The following PYM1 variants were observed in gnomAD, a reference collection of about 807,000 sequenced individuals.
PYM1 encodes partner of Y14 and mago.
In PYM1, 7 loss-of-function variants were observed where a neutral mutation model predicts 20.7. The ratio of observed to expected loss-of-function variants is 0.34; its 90% CI spans 0.19 to 0.64. The LOEUF (loss-of-function observed/expected upper bound fraction) is 0.64. Ranked by LOEUF, PYM1 falls within the 30% of genes least tolerant of loss-of-function variation. PYM1 has a pLI of 0.74. For synonymous variants in PYM1, 100 were observed against 99.2 expected (o/e 1.01, Z -0.05); for missense variants, 194 against 250.0 (o/e 0.78, Z 1.51).
At chr12:55,921,438 G>A (rs1565718422) in intron 1 of PYM1, among the ~76,000 whole-genome samples, 1 of 151,918 alleles carries the variant, frequency 6.6e-6, no homozygotes, top group Non-Finnish European at 1.5e-5. Flanking sequence ...ATAAAAGAAT[G>A]ATATTTTGAT....
intron 1 of PYM1, among the ~76,000 whole-genome samples, chr12:55,919,648 A>G (rs1371500463): frequency 6.6e-6 from 1 of 151,956 alleles, no homozygotes; most frequent in Non-Finnish European, 1.5e-5. Context: ...CTATAATCCC[A>G]GCACTTTGGG....
In PYM1 at chr12:55,927,767, A is replaced by G; in HGVS notation, c.-6T>C. 1 of 1,538,830 alleles carries G rather than the reference A, an allele frequency of 6.5e-7. No homozygotes were observed. The highest frequency in any genetic ancestry group is 8.7e-7 in the Non-Finnish European group (1 of 1,146,278). ...GGGCTGCCGGCAGCTTCCATGGCCG[A>G]AGAGGCAGCGGACCAGGTTGGGCGG... On this transcript the variant is annotated 5_prime_UTR_variant, in exon 1 of 3. Coordinates refer to ENST00000408946, the MANE Select transcript of PYM1 (RefSeq NM_032345.3).
intron 1 of PYM1, among the ~76,000 whole-genome samples, chr12:55,924,777 A>G (rs1047158878): frequency 3.9e-5 from 6 of 152,182 alleles, no homozygotes; most frequent in African/African-American, 1.4e-4. Context: ...CCTGGGTTCA[A>G]GCGATTCTCC....
At position 55,927,850 on chromosome 12, in the gene PYM1, A is replaced by G; in HGVS notation, c.-89T>C. The G allele has an allele frequency of 6.7e-7, 1 of 1,488,416 alleles. No homozygotes were observed. Among genetic ancestry groups the G allele is most frequent in the Non-Finnish European group, 9.0e-7 (1 of 1,113,888 alleles). 92.2% of individuals were successfully genotyped at this position (1,488,416 alleles called of 1,614,324 possible). ...GCGCCGGGGATTCGGCGGCGAAGTG[A>G]TGAGGGCCCTAGTTGCTTCTCGCCC... is the stretch of plus-strand genomic sequence containing the variant. On this transcript the variant is annotated 5_prime_UTR_variant, in exon 1 of 3. Transcript: ENST00000408946.
At chr12:55,917,510 A>G (rs1405078392) in intron 1 of PYM1, among the ~76,000 whole-genome samples, 1 of 152,212 alleles carries the variant, frequency 6.6e-6, no homozygotes, top group Non-Finnish European at 1.5e-5. Flanking sequence ...ACATGGATGC[A>G]GCTGAGGGCC....
intron 2 of PYM1, 85 bp downstream of exon 2, chr12:55,903,302 C>T: frequency 8.2e-7 from 1 of 1,224,368 alleles, no homozygotes; most frequent in South Asian, 1.3e-5. Flanking sequence ...TAGGAGAGTC[C>T]TCCCTGAACT....
chr12:55,925,101 C>T (rs1407174075), intron 1 of PYM1, among the ~76,000 whole-genome samples: 22 of 152,194 alleles, frequency 1.4e-4, no homozygotes, highest in Admixed American at 1.4e-3. Flanking sequence ...GGCCTAGAAG[C>T]GGAAGCCAAG....
intron 1 of PYM1, among the ~76,000 whole-genome samples, chr12:55,910,333 T>C (rs1221179476): frequency 6.6e-6 from 1 of 151,324 alleles, no homozygotes; most frequent in Admixed American, 6.6e-5. Context: ...CAGGCTGGAG[T>C]GCAGTAGCCC....
At chr12:55,916,672 T>A (rs1883013655) in intron 1 of PYM1, among the ~76,000 whole-genome samples, 1 of 150,086 alleles carries the variant, frequency 6.7e-6, no homozygotes, top group Non-Finnish European at 1.5e-5. Context: ...GGGGCACATG[T>A]CTGTAATCCC....
At chr12:55,927,232 A>C (rs564224711) in intron 1 of PYM1, 5 of 1,395,108 alleles carry the variant, frequency 3.6e-6, no homozygotes, top group Non-Finnish European at 5.0e-6. Flanking sequence ...GCACCATTTC[A>C]TGGGCGGAGG....
chr12:55,927,139 G>A lies in PYM1; in HGVS notation c.37+586C>T, dbSNP rs776822966. 6.4e-6 allele frequency: 10 copies of A among 1,551,328 alleles called. No individual in the cohort carries two copies. In the East Asian group the frequency reaches 1.2e-4, roughly 19 times the overall value. On this transcript the variant is annotated intron_variant, in intron 1 of 2. Coordinates refer to ENST00000408946, the MANE Select transcript of PYM1 (RefSeq NM_032345.3). ...AAAACGCAAACCACTTCCGGCGTGA[G>A]CGGGCTGGGGTCCCGCCCCCCTCCC...
intron 1 of PYM1, among the ~76,000 whole-genome samples, chr12:55,926,162 C>G (rs1345406922): frequency 1.3e-5 from 2 of 152,212 alleles, no homozygotes; most frequent in Non-Finnish European, 2.9e-5. Context: ...TGCACTTGCA[C>G]AGTATTTTAT....
At chr12:55,915,417 T>C (rs1444525501) in intron 1 of PYM1, among the ~76,000 whole-genome samples, 1 of 151,000 alleles carries the variant, frequency 6.6e-6, no homozygotes, top group Admixed American at 6.6e-5. Context: ...ATTAAAAGCC[T>C]CCTAGCTGGG....
At chr12:55,911,778 T>C (rs1057009865) in intron 1 of PYM1, among the ~76,000 whole-genome samples, 5 of 150,388 alleles carry the variant, frequency 3.3e-5, no homozygotes, top group African/African-American at 9.8e-5. Flanking sequence ...GAGGGGGAGG[T>C]TGCAATGAGC....
At chr12:55,907,082 AAG>A in intron 1 of PYM1, among the ~76,000 whole-genome samples, 1 of 103,384 alleles carries the variant, frequency 9.7e-6, no homozygotes, top group East Asian at 2.6e-4. Flanking sequence ...TATATATGTT[AAG>A]AGAGAAAGTT....
chr12:55,910,303 C>G (rs572305154), intron 1 of PYM1, among the ~76,000 whole-genome samples: 1 of 148,708 alleles, frequency 6.7e-6, no homozygotes, highest in Non-Finnish European at 1.5e-5. Flanking sequence ...TTTTTTGAGA[C>G]GGAATCTCAC....
intron 1 of PYM1, among the ~76,000 whole-genome samples, chr12:55,917,369 A>C (rs1883025452): frequency 6.6e-6 from 1 of 150,588 alleles, no homozygotes. Context: ...GCAGGGAGCC[A>C]AGGTCGCACC....
intron 1 of PYM1, among the ~76,000 whole-genome samples, chr12:55,923,836 G>T (rs1453612200): frequency 6.6e-6 from 1 of 151,964 alleles, no homozygotes; most frequent in Non-Finnish European, 1.5e-5. Context: ...CCAGCACTTT[G>T]GGAGGCCAAG....
At position 55,916,334 on chromosome 12, in the gene PYM1, C is replaced by CA. The variant is rs11320012; in HGVS notation, c.37+11390dup. Among the ~76,000 whole-genome samples, 737 of 132,190 alleles carry CA rather than the reference C, an allele frequency of 5.6e-3. 6 individuals are homozygous for CA. Among genetic ancestry groups the CA allele is most frequent in the African/African-American group, 0.019 (674 of 36,194 alleles). 86.7% of individuals were successfully genotyped at this position (132,190 alleles called of 152,430 possible). A position where few individuals can be genotyped will look rare whatever the true frequency, so the allele number is the denominator to read the frequency against. ...TGGGTGACAGAGTGAGACTCCAGCT[C>CA]AAAAAAAAAAAAGACATGGTCAAGA... On this transcript the variant is annotated intron_variant, in intron 1 of 2. Transcript: ENST00000408946.
Sources: allele counts gnomAD v4.1 joint callset (sites outside exome capture counted in the v4.1 genomes callset), GRCh38; gene constraint gnomAD v4.1.1; transcripts MANE v1.5; gene names NCBI Gene and HGNC (gene_info 2026-07-23, HGNC 2026-07-21).